Variants in PLEKHG3 observed in about 807,000 individuals in gnomAD.
PLEKHG3 encodes the protein pleckstrin homology and RhoGEF domain containing G3.
Under a neutral mutation model 94.9 loss-of-function variants are expected in PLEKHG3, and 62 were observed. That is an observed-to-expected ratio of 0.65 (90% CI 0.53 to 0.81). The LOEUF is 0.81. Ranked by LOEUF, PLEKHG3 falls within the 30% of genes least tolerant of loss-of-function variation. The probability of loss-of-function intolerance (pLI) is 0.00; values close to 1 mark genes in which losing one functional copy is unlikely to be tolerated. For synonymous variants in PLEKHG3, 614 were observed against 654.0 expected (o/e 0.94, Z 0.93); for missense variants, 1,461 against 1,619.3 (o/e 0.90, Z 1.68).
chr14:64,734,288 CTCTTT>C (rs1328659135), intron 12 of PLEKHG3, among the ~76,000 whole-genome samples: 7 of 152,086 alleles, frequency 4.6e-5, no homozygotes, highest in African/African-American at 7.2e-5. Context: ...CTCTTCTCTT[CTCTTT>C]TCTTTTCTTC....
rs1566697202 is a variant in PLEKHG3, at chr14:64,720,703, TC to T, written c.-39-6889del. On this transcript the variant is annotated intron_variant, in intron 1 of 16. Coordinates refer to ENST00000247226, the MANE Select transcript of PLEKHG3 (RefSeq NM_001308147.2). The surrounding 1 kb of genome is among the most constrained non-coding windows in gnomAD (Gnocchi z 4.1). ...ATTGCCACTGTAACAAATTCTGCAA[TC>T]TTAGTGGCTTAAATCAACACACATT... 6.6e-6 allele frequency among the ~76,000 whole-genome samples: 1 copy of T among 152,210 alleles called. No homozygotes were observed. Among genetic ancestry groups the T allele is most frequent in the Non-Finnish European group, 1.5e-5 (1 of 68,040 alleles).
intron 15 of PLEKHG3, 100 bp from the exon 16 acceptor site, chr14:64,740,936 C>T: frequency 1.1e-6 from 1 of 946,118 alleles, no homozygotes; most frequent in African/African-American, 1.6e-5. Context: ...AACTACAGGT[C>T]CCTGTCATTG....
rs984011333 is a variant in PLEKHG3, at chr14:64,725,214, G to A, written c.-39-2379G>A. Among the ~76,000 whole-genome samples the A allele has an allele frequency of 6.6e-6, 1 of 152,206 alleles. No homozygotes were observed. The highest frequency in any genetic ancestry group is 1.5e-5 in the Non-Finnish European group (1 of 68,024). ...TGTGTGTTGGGGTAGGGGTGGGGCT[G>A]TGAGTAATCTTTTGCTTTAAGACTG... On this transcript the variant is annotated intron_variant, in intron 1 of 16. Coordinates refer to ENST00000247226, the MANE Select transcript of PLEKHG3 (RefSeq NM_001308147.2). This position sits in a 1 kb window ranked among gnomAD's most constrained non-coding sequence, Gnocchi z 5.0.
chr14:64,718,586 A>G lies in PLEKHG3; in HGVS notation c.-39-9007A>G, dbSNP rs982750286. Among the ~76,000 whole-genome samples the G allele has an allele frequency of 7.2e-5, 11 of 152,222 alleles. No individual in the cohort carries two copies. Among genetic ancestry groups the G allele is most frequent in the African/African-American group, 2.4e-4 (10 of 41,458 alleles). On this transcript the variant is annotated intron_variant, in intron 1 of 16. Transcript: ENST00000247226. This position sits in a 1 kb window ranked among gnomAD's most constrained non-coding sequence, Gnocchi z 5.0. ...ATTACTAGGGTTATCTTCAAATCAG[A>G]GAGAGATTGAGGCACAAAGAGCCCG... is the stretch of plus-strand genomic sequence containing the variant.
chr14:64,731,251 T>C lies in PLEKHG3; in HGVS notation c.849+82T>C. 6.8e-7 allele frequency: 1 copy of C among 1,470,008 alleles called. No individual in the cohort carries two copies. The highest frequency in any genetic ancestry group is 1.4e-5 in the African/African-American group (1 of 72,136). The allele number at this position is 1,470,008 out of a possible 1,614,324, so 91.1% of individuals were successfully genotyped here. A position where few individuals can be genotyped will look rare whatever the true frequency, so the allele number is the denominator to read the frequency against. ...CTGGGAAGAGGGACTGTGGCCACCC[T>C]GCTGGGATGAGCTGGGCAGTGGCAT... On this transcript the variant is annotated intron_variant, in intron 7 of 16. Transcript: ENST00000247226. This position sits in a 1 kb window ranked among gnomAD's most constrained non-coding sequence, Gnocchi z 6.1.
intron 12 of PLEKHG3, among the ~76,000 whole-genome samples, chr14:64,734,226 T>C (rs1318975487): frequency 6.6e-6 from 1 of 152,238 alleles, no homozygotes; most frequent in Non-Finnish European, 1.5e-5. Context: ...TTTTTATAGT[T>C]AAAAGCTCCA....
chr14:64,745,978 G>A lies in PLEKHG3; in HGVS notation c.*2275G>A, dbSNP rs950959334. The A allele has an allele frequency of 6.6e-6, 1 of 152,326 alleles. No homozygotes were observed. The highest frequency in any genetic ancestry group is 2.4e-5 in the African/African-American group (1 of 41,450). 9.4% of individuals were successfully genotyped at this position (152,326 alleles called of 1,614,324 possible). On this transcript the variant is annotated 3_prime_UTR_variant, in exon 17 of 17. Coordinates refer to ENST00000247226, the MANE Select transcript of PLEKHG3 (RefSeq NM_001308147.2). This position sits in a 1 kb window ranked among gnomAD's most constrained non-coding sequence, Gnocchi z 5.0. ...GGTGAATCCCAGGCTTAGAGATTCT[G>A]ATGATTCTGCGGTCCAGTGAGTGCT...
Position 64,713,416 on chromosome 14 carries a change from G to A in PLEKHG3, c.-40+8712G>A, listed in dbSNP as rs117534404. ...TTTGGTAGACTTCACCAGGGAAGCC[G>A]TCTAGTCCTGGGCTTTTCTTCATTG... On this transcript the variant is annotated intron_variant, in intron 1 of 16. Coordinates refer to ENST00000247226, the MANE Select transcript of PLEKHG3 (RefSeq NM_001308147.2). 1.1e-4 allele frequency among the ~76,000 whole-genome samples: 16 copies of A among 152,300 alleles called. No individual in the cohort carries two copies. The East Asian group carries it at 1.9e-3, about 18-fold the overall frequency.
chr14:64,709,735 G>GTC (rs1193039109), intron 1 of PLEKHG3, among the ~76,000 whole-genome samples: 5 of 146,350 alleles, frequency 3.4e-5, no homozygotes, highest in Admixed American at 3.3e-4. Context: ...GAGACTGTGT[G>GTC]TGTGTGTGTG....
intron 12 of PLEKHG3, among the ~76,000 whole-genome samples, chr14:64,735,614 A>AAAAAC (rs1007387610): frequency 3.9e-5 from 6 of 152,356 alleles, no homozygotes; most frequent in South Asian, 2.1e-4. Flanking sequence ...CTTGTTGCAA[A>AAAAAC]AAAACAAAAC....
At position 64,749,692 on chromosome 14, in the gene PLEKHG3, T is replaced by C. The variant is rs760543079; in HGVS notation, c.*5989T>C. 1.9e-6 allele frequency: 3 copies of C among 1,613,650 alleles called. No individual in the cohort carries two copies. The South Asian group carries it at 3.3e-5, about 18-fold the overall frequency. On this transcript the variant is annotated 3_prime_UTR_variant, in exon 17 of 17. Transcript: ENST00000247226. The surrounding 1 kb of genome is among the most constrained non-coding windows in gnomAD (Gnocchi z 4.7). ...TGGAAGAGCCACTCGCTGCCATTAC[T>C]CAGCCTAGGAGGACAAAGGGTTTCC...
In PLEKHG3 at chr14:64,716,489, CACACACA is replaced by C. The variant is rs1377733739; in HGVS notation, c.-39-11096_-39-11090del. 4.7e-3 allele frequency among the ~76,000 whole-genome samples: 498 copies of C among 106,288 alleles called. 1 individual carries two copies. Among genetic ancestry groups the C allele is most frequent in the Non-Finnish European group, 6.5e-3 (334 of 51,748 alleles). The allele number at this position is 106,288 out of a possible 152,430, so 69.7% of individuals were successfully genotyped here. On this transcript the variant is annotated intron_variant, in intron 1 of 16. Coordinates refer to ENST00000247226, the MANE Select transcript of PLEKHG3 (RefSeq NM_001308147.2). The surrounding 1 kb of genome is among the most constrained non-coding windows in gnomAD (Gnocchi z 5.0). ...ACAACACACACACACACAACACACA[CACACACA>C]ACACACACACACACACACACACACA...
chr14:64,722,463 G>C lies in PLEKHG3; in HGVS notation c.-39-5130G>C, dbSNP rs1414740260. ...TCAAACTCCTGACCAAAGGTGATCC[G>C]CCCACCTCGGCCTCCCAAAGTGCTG... On this transcript the variant is annotated intron_variant, in intron 1 of 16. Transcript: ENST00000247226. The surrounding 1 kb of genome is among the most constrained non-coding windows in gnomAD (Gnocchi z 4.3). Among the ~76,000 whole-genome samples, 2 of 152,084 alleles carry C rather than the reference G, an allele frequency of 1.3e-5. No homozygotes were observed. The highest frequency in any genetic ancestry group is 2.9e-5 in the Non-Finnish European group (2 of 68,018).
chr14:64,738,710 T>C lies in PLEKHG3; in HGVS notation c.1405-32T>C. 1 of 1,432,666 alleles carries C rather than the reference T, an allele frequency of 7.0e-7. No individual in the cohort carries two copies. Among genetic ancestry groups the C allele is most frequent in the Non-Finnish European group, 9.6e-7 (1 of 1,036,830 alleles). The allele number at this position is 1,432,666 out of a possible 1,614,324, so 88.7% of individuals were successfully genotyped here. ...CAGAAGGGATCAGCTTCCAGTTGTC[T>C]TGGAGTTGATGACTGACCTCTACCT... is the stretch of plus-strand genomic sequence containing the variant. On this transcript the variant is annotated intron_variant, in intron 14 of 16. Coordinates refer to ENST00000247226, the MANE Select transcript of PLEKHG3 (RefSeq NM_001308147.2). The surrounding 1 kb of genome is among the most constrained non-coding windows in gnomAD (Gnocchi z 4.8).
In PLEKHG3 at chr14:64,731,594, G is replaced by T. The variant is rs1464971658; in HGVS notation, c.1032+51G>T. ...CTGCCATCTTCTCTCCTTCCCAAAG[G>T]ATCTGGGCTCCCCTTCTTGTCTGCT... is the stretch of plus-strand genomic sequence containing the variant. On this transcript the variant is annotated intron_variant, in intron 8 of 16. Coordinates refer to ENST00000247226, the MANE Select transcript of PLEKHG3 (RefSeq NM_001308147.2). This position sits in a 1 kb window ranked among gnomAD's most constrained non-coding sequence, Gnocchi z 6.1. 6.3e-7 allele frequency: 1 copy of T among 1,583,990 alleles called. No homozygotes were observed. The highest frequency in any genetic ancestry group is 1.7e-5 in the Admixed American group (1 of 59,918).
At chr14:64,707,435 C>T (rs979248899) in intron 1 of PLEKHG3, among the ~76,000 whole-genome samples, 1 of 152,244 alleles carries the variant, frequency 6.6e-6, no homozygotes, top group African/African-American at 2.4e-5. Context: ...AAGGAGTTAG[C>T]ACCTACTATG....
At chr14:64,729,960 A>T (rs1270254899) in intron 3 of PLEKHG3, among the ~76,000 whole-genome samples, 1 of 152,144 alleles carries the variant, frequency 6.6e-6, no homozygotes, top group Non-Finnish European at 1.5e-5. Flanking sequence ...CTGCCTGCAG[A>T]GGAGCTGTGT....
At position 64,717,526 on chromosome 14, in the gene PLEKHG3, A is replaced by G. The variant is rs2081190526; in HGVS notation, c.-39-10067A>G. ...GCCCAGTTGAGAGCTGCTGGCCTGA[A>G]ATTCCTCTGAGAGATTTCTTCCATT... On this transcript the variant is annotated intron_variant, in intron 1 of 16. Transcript: ENST00000247226. This position sits in a 1 kb window ranked among gnomAD's most constrained non-coding sequence, Gnocchi z 4.7. Among the ~76,000 whole-genome samples, 1 of 152,110 alleles carries G rather than the reference A, an allele frequency of 6.6e-6. No homozygotes were observed. The highest frequency in any genetic ancestry group is 2.4e-5 in the African/African-American group (1 of 41,408).
chr14:64,732,034 G>A lies in PLEKHG3; in HGVS notation c.1126-61G>A. 1 of 1,269,414 alleles carries A rather than the reference G, an allele frequency of 7.9e-7. No homozygotes were observed. Among genetic ancestry groups the A allele is most frequent in the Non-Finnish European group, 1.2e-6 (1 of 866,082 alleles). The allele number at this position is 1,269,414 out of a possible 1,614,324, so 78.6% of individuals were successfully genotyped here. A position where few individuals can be genotyped will look rare whatever the true frequency, so the allele number is the denominator to read the frequency against. ...CTCCCTGGGTGGAAGCACTGTCCAT[G>A]CTAGACAGCTTCAGGCCTGTAATGA... On this transcript the variant is annotated intron_variant, in intron 9 of 16. Transcript: ENST00000247226. This position sits in a 1 kb window ranked among gnomAD's most constrained non-coding sequence, Gnocchi z 4.9.
Sources: gnomAD v4.1 joint callset for allele counts (sites outside exome capture counted in the v4.1 genomes callset) on GRCh38, gnomAD v4.1.1 for gene constraint, Gnocchi (gnomAD v3.1) non-coding constraint, MANE v1.5 for transcripts, NCBI Gene and HGNC (gene_info 2026-07-23, HGNC 2026-07-21) for gene names.